Variants in PKD1L1 observed in about 807,000 individuals in gnomAD.
PKD1L1 encodes polycystin 1 like 1, transient receptor potential channel interacting, also known as polycystin-1-like protein 1.
In PKD1L1, 236 loss-of-function variants were observed where a neutral mutation model predicts 323.4. That is an observed-to-expected ratio of 0.73 (90% CI 0.66 to 0.81). PKD1L1 has a LOEUF of 0.81. Among genes scored for constraint, PKD1L1 ranks in the 40% least tolerant of loss-of-function variants. The pLI, the probability that PKD1L1 is intolerant of heterozygous loss-of-function variation, is 0.00. For missense variants in PKD1L1, 3,320 were observed against 3,508.0 expected (o/e 0.95, Z 1.35); for synonymous variants, 1,344 against 1,335.0 (o/e 1.01, Z -0.15).
chr7:47,920,240 C>T (rs1787507147), intron 7 of PKD1L1, among the ~76,000 whole-genome samples: 9 of 145,660 alleles, frequency 6.2e-5, no homozygotes. Flanking sequence ...AGAATCAAAT[C>T]AAGAACTCAA....
upstream of PKD1L1, among the ~76,000 whole-genome samples, chr7:47,948,859 A>C (rs1404815273): frequency 1.3e-5 from 2 of 152,176 alleles, no homozygotes; most frequent in Non-Finnish European, 2.9e-5. Context: ...CAGGAGGCTC[A>C]GGCGAGAGAA....
At chr7:47,845,676 G>C (rs781676327) in intron 32 of PKD1L1, among the ~76,000 whole-genome samples, 12 of 152,158 alleles carry the variant, frequency 7.9e-5, no homozygotes, top group Non-Finnish European at 5.9e-5. Flanking sequence ...TGCAACCTCT[G>C]CCTCCCAGGT....
intron 41 of PKD1L1, among the ~76,000 whole-genome samples, chr7:47,832,595 T>G (rs1369688278): frequency 1.3e-5 from 2 of 152,020 alleles, no homozygotes; most frequent in East Asian, 3.9e-4. Flanking sequence ...GGCTCTAGGA[T>G]CCCAAAGCCA....
rs1171983325 is a variant in PKD1L1, at chr7:47,839,100, G to A, written c.5769+346C>T. Among the ~76,000 whole-genome samples, 3 of 152,052 alleles carry A rather than the reference G, an allele frequency of 2.0e-5. No individual in the cohort carries two copies. Among genetic ancestry groups the A allele is most frequent in the African/African-American group, 4.8e-5 (2 of 41,384 alleles). On this transcript the variant is annotated intron_variant, in intron 36 of 56. Transcript: ENST00000289672. The surrounding 1 kb of genome is among the most constrained non-coding windows in gnomAD (Gnocchi z 4.3). ...CACATCTGTAATTACTCTATTGATA[G>A]TTATCTAGGTTGTTTGGGACACACA...
chr7:47,804,526 G>A (rs1309910539), intron 52 of PKD1L1, among the ~76,000 whole-genome samples: 1 of 143,252 alleles, frequency 7.0e-6, no homozygotes, highest in Non-Finnish European at 1.5e-5. Context: ...GGCTTGAGTG[G>A]CAGGATCTCG....
chr7:47,803,289 T>TA lies in PKD1L1; in HGVS notation c.7882dup (p.Tyr2628LeufsTer82), dbSNP rs1562937138. Reference sequence around the variant, plus strand: ...CATTGTGTTTTGAATGCCAGGAAGATAGACGCATTTTAATGTGAAGAGGAA... The same window carrying TA: ...CATTGTGTTTTGAATGCCAGGAAGATAAGACGCATTTTAATGTGAAGAGGAA... On this transcript the variant is annotated frameshift_variant, in exon 53 of 57. Coordinates refer to ENST00000289672, the MANE Select transcript of PKD1L1 (RefSeq NM_138295.5). LOFTEE classifies it high-confidence loss of function. The TA allele has an allele frequency of 2.5e-6, 4 of 1,614,080 alleles. No homozygotes were observed. The highest frequency in any genetic ancestry group is 1.1e-5 in the South Asian group (1 of 91,078).
intron 14 of PKD1L1, among the ~76,000 whole-genome samples, chr7:47,895,867 G>A (rs559178944): frequency 2.3e-4 from 35 of 152,296 alleles, no homozygotes; most frequent in African/African-American, 8.2e-4. Context: ...TGGTTGTAGA[G>A]TTGTAATTGT....
intron 7 of PKD1L1, among the ~76,000 whole-genome samples, chr7:47,920,210 C>T (rs1203399815): frequency 6.6e-6 from 1 of 151,254 alleles, no homozygotes; most frequent in Non-Finnish European, 1.5e-5. Context: ...GTCTTCTATA[C>T]ATCAACAGAG....
upstream of PKD1L1, chr7:47,948,558 C>G: frequency 1.1e-6 from 1 of 915,998 alleles, no homozygotes; most frequent in Non-Finnish European, 1.7e-6. Flanking sequence ...GACCTCTTAT[C>G]AGGACACACA....
intron 25 of PKD1L1, 76 bp from the exon 26 acceptor site, chr7:47,865,348 C>T (rs2128743794): frequency 7.5e-7 from 1 of 1,329,528 alleles, no homozygotes; most frequent in Non-Finnish European, 1.1e-6. Context: ...GTTAAAGTTA[C>T]AGCTTGCCTA....
At position 47,929,136 on chromosome 7, in the gene PKD1L1, C is replaced by T. The variant is rs962857984; in HGVS notation, c.1060+68G>A. 2.0e-6 allele frequency: 3 copies of T among 1,473,440 alleles called. No homozygotes were observed. The African/African-American group carries it at 4.2e-5, about 21-fold the overall frequency. 91.3% of individuals were successfully genotyped at this position (1,473,440 alleles called of 1,614,324 possible). A position where few individuals can be genotyped will look rare whatever the true frequency, so the allele number is the denominator to read the frequency against. On this transcript the variant is annotated intron_variant, in intron 7 of 56. Coordinates refer to ENST00000289672, the MANE Select transcript of PKD1L1 (RefSeq NM_138295.5). ...TGCAGTTTCTTTTCTTTTCCCAACA[C>T]TGCCTCTTGGGTCCCCTAGCTCAGG...
chr7:47,788,184 G>A (rs1037383087), intron 56 of PKD1L1, among the ~76,000 whole-genome samples: 2 of 151,712 alleles, frequency 1.3e-5, no homozygotes, highest in African/African-American at 4.8e-5. Context: ...AGGAATGAAT[G>A]TTGAATTTTA....
chr7:47,845,448 T>C (rs927507537), intron 32 of PKD1L1, among the ~76,000 whole-genome samples: 3 of 152,352 alleles, frequency 2.0e-5, no homozygotes, highest in African/African-American at 7.2e-5. Context: ...CCAACTCCTC[T>C]GCCTAAGCAC....
chr7:47,914,979 G>C (rs996130621), intron 8 of PKD1L1, among the ~76,000 whole-genome samples: 6 of 152,130 alleles, frequency 3.9e-5, no homozygotes, highest in African/African-American at 9.7e-5. Flanking sequence ...ACAACATCAG[G>C]ACTTAAAGTT....
At chr7:47,796,237 A>G in intron 54 of PKD1L1, 87 bp from the exon 55 acceptor site, 1 of 1,175,820 alleles carries the variant, frequency 8.5e-7, no homozygotes, top group Non-Finnish European at 1.2e-6. Context: ...TGCAATGGAG[A>G]TTATATCTGA....
In PKD1L1 at chr7:47,931,303, C is replaced by T; in HGVS notation, c.538G>A (p.Ala180Thr). 6.2e-7 allele frequency: 1 copy of T among 1,614,218 alleles called. No individual in the cohort carries two copies. Among genetic ancestry groups the T allele is most frequent in the Non-Finnish European group, 8.5e-7 (1 of 1,180,044 alleles). Residue 180 changes from alanine (A) to threonine (T), a missense_variant, in exon 6 of 57, where the codon GCA (alanine) becomes ACA (threonine). Coordinates refer to ENST00000289672, the MANE Select transcript of PKD1L1 (RefSeq NM_138295.5). ...ALLQLQGTTS[A>T]AAPCSLKMEA... ...ATCTTCAGGCTGCAGGGAGCTGCTG[C>T]AGAAGTGGTGCCCTGGAGCTTAAAA...
chr7:47,905,563 A>G (rs115969888), intron 10 of PKD1L1, among the ~76,000 whole-genome samples: 2,301 of 152,208 alleles, frequency 0.015, 62 homozygotes, highest in African/African-American at 0.052. Flanking sequence ...CATAGGGCCA[A>G]CTCCCTTTGA....
Position 47,775,170 on chromosome 7 carries a change from A to G in PKD1L1, c.8527-4T>C, listed in dbSNP as rs1252520529. On this transcript the variant is annotated splice_region_variant and splice_polypyrimidine_tract_variant and intron_variant, in intron 56 of 56. Transcript: ENST00000289672. ...AGAAGTCCTTGATGTCTGCTGGCTA[A>G]AAAGAAAAAATGAAAAACATACTGA... 1 of 1,614,054 alleles carries G rather than the reference A, an allele frequency of 6.2e-7. No individual in the cohort carries two copies. The highest frequency in any genetic ancestry group is 1.7e-5 in the Admixed American group (1 of 60,008).
chr7:47,912,860 C>T (rs1787352258), intron 8 of PKD1L1, among the ~76,000 whole-genome samples: 1 of 140,440 alleles, frequency 7.1e-6, no homozygotes, highest in South Asian at 2.4e-4. Flanking sequence ...ATTCTCATGA[C>T]AATCACAGAA....
Sources: allele counts gnomAD v4.1 joint callset (sites outside exome capture counted in the v4.1 genomes callset), GRCh38; gene constraint gnomAD v4.1.1; non-coding constraint Gnocchi (gnomAD v3.1); transcripts MANE v1.5; gene names NCBI Gene and HGNC (gene_info 2026-07-23, HGNC 2026-07-21).